The following ADAM23 variants were observed in gnomAD, a reference collection of about 807,000 sequenced individuals.
ADAM23 encodes disintegrin and metalloproteinase domain-containing protein 23.
In ADAM23, 33 loss-of-function variants were observed where a neutral mutation model predicts 120.1. The ratio of observed to expected loss-of-function variants is 0.27; its 90% CI spans 0.21 to 0.37. ADAM23 has a LOEUF of 0.37. Ranked by LOEUF, ADAM23 falls within the 10% of genes least tolerant of loss-of-function variation. The pLI, the probability that ADAM23 is intolerant of heterozygous loss-of-function variation, is 1.00. For missense variants in ADAM23, 862 were observed against 1,058.2 expected (o/e 0.81, Z 2.57); for synonymous variants, 367 against 375.2 (o/e 0.98, Z 0.25).
chr2:206,610,098 C>T, intron 25 of ADAM23, 98 bp downstream of exon 25: 1 of 1,108,232 alleles, frequency 9.0e-7, no homozygotes, highest in Admixed American at 3.9e-5. Flanking sequence ...AGCTTAGGTT[C>T]TGTCAGTCAA....
At chr2:206,477,096 C>T (rs1436541324) in intron 2 of ADAM23, among the ~76,000 whole-genome samples, 1 of 152,036 alleles carries the variant, frequency 6.6e-6, no homozygotes, top group East Asian at 1.9e-4. Flanking sequence ...ATCTATTGAG[C>T]CTATTTAATG....
rs201283303 is a variant in ADAM23 at position 206,579,313 on chromosome 2, C to T, written c.1737+6118C>T. On this transcript the variant is annotated intron_variant, in intron 18 of 25. Transcript: ENST00000264377. ...TGGTCATGAAATCTTTGCCTATAAG[C>T]CAATGTCTAGAAGGGTTTTTCAATG... Among the ~76,000 whole-genome samples, 25 of 152,192 alleles carry T rather than the reference C, an allele frequency of 1.6e-4. No homozygotes were observed. The East Asian group carries it at 4.6e-3, about 28-fold the overall frequency.
intron 18 of ADAM23, among the ~76,000 whole-genome samples, chr2:206,577,803 G>C (rs1339649573): frequency 6.6e-6 from 1 of 150,460 alleles, no homozygotes; most frequent in South Asian, 2.1e-4. Flanking sequence ...TGGTCAAATG[G>C]TATTTCTAGT....
intron 5 of ADAM23, among the ~76,000 whole-genome samples, chr2:206,543,022 A>T (rs1697323950): frequency 6.6e-6 from 1 of 152,198 alleles, no homozygotes. Flanking sequence ...TATAATTTGC[A>T]TGCATTTGAT....
At chr2:206,494,579 T>C (rs1696199687) in intron 3 of ADAM23, among the ~76,000 whole-genome samples, 1 of 152,118 alleles carries the variant, frequency 6.6e-6, no homozygotes, top group African/African-American at 2.4e-5. Flanking sequence ...TTCAGTACTT[T>C]TGGGTGTGGT....
At chr2:206,550,204 T>A in intron 9 of ADAM23, 44 bp downstream of exon 9, 1 of 1,185,596 alleles carries the variant, frequency 8.4e-7, no homozygotes, top group Non-Finnish European at 1.2e-6. Flanking sequence ...ATAGCTTACT[T>A]AAGAAAGAAT....
At chr2:206,609,221 C>T (rs1193531862) in intron 24 of ADAM23, among the ~76,000 whole-genome samples, 1 of 152,186 alleles carries the variant, frequency 6.6e-6, no homozygotes, top group African/African-American at 2.4e-5. Context: ...AACTTTAAAG[C>T]TATTCTCAGT....
intron 25 of ADAM23, among the ~76,000 whole-genome samples, chr2:206,616,828 T>C (rs527635544): frequency 6.6e-6 from 1 of 152,260 alleles, no homozygotes; most frequent in Admixed American, 6.5e-5. Context: ...ACTTTTACTG[T>C]TGCCTTGTAG....
chr2:206,514,256 A>T (rs1009616319), intron 3 of ADAM23, among the ~76,000 whole-genome samples: 1 of 152,234 alleles, frequency 6.6e-6, no homozygotes, highest in Non-Finnish European at 1.5e-5. Flanking sequence ...TCTGGAAAGG[A>T]TTAACCATTC....
At chr2:206,526,026 A>G (rs1696937435) in intron 3 of ADAM23, among the ~76,000 whole-genome samples, 1 of 152,178 alleles carries the variant, frequency 6.6e-6, no homozygotes, top group African/African-American at 2.4e-5. Flanking sequence ...TGGCTTCTCC[A>G]TATGGAACTT....
intron 3 of ADAM23, among the ~76,000 whole-genome samples, chr2:206,494,862 A>G (rs1395791888): frequency 6.6e-6 from 1 of 152,206 alleles, no homozygotes; most frequent in Non-Finnish European, 1.5e-5. Flanking sequence ...CACAAGCCTC[A>G]GTAACCAATG....
At position 206,484,084 on chromosome 2, in the gene ADAM23, G is replaced by A. The variant is rs186518108; in HGVS notation, c.509+2776G>A. Among the ~76,000 whole-genome samples, 77 of 152,290 alleles carry A rather than the reference G, an allele frequency of 5.1e-4. 2 individuals are homozygous for A. In the East Asian group the frequency reaches 7.7e-3, roughly 15 times the overall value. ...ATATCTATAGGGCAAGAGCTGGGTA[G>A]AGACTGAAGGGAATGAGATCAAAGC... is the stretch of plus-strand genomic sequence containing the variant. On this transcript the variant is annotated intron_variant, in intron 3 of 25. Transcript: ENST00000264377.
In ADAM23 at chr2:206,557,641, C is replaced by A. The variant is rs545938134; in HGVS notation, c.1005+143C>A. On this transcript the variant is annotated intron_variant, in intron 10 of 25. Transcript: ENST00000264377. ...CTGGCTAAGGAATTATAGGATGGTC[C>A]GCTTCACAGAGTAGTGCTCTGAGAG... The A allele has an allele frequency of 2.0e-5, 15 of 755,286 alleles. No homozygotes were observed. In the African/African-American group the frequency reaches 2.6e-4, roughly 13 times the overall value. 46.8% of individuals were successfully genotyped at this position (755,286 alleles called of 1,614,324 possible).
intron 9 of ADAM23, 101 bp from the exon 10 acceptor site, chr2:206,557,326 C>T (rs1697666049): frequency 2.1e-6 from 2 of 958,870 alleles, no homozygotes; most frequent in Admixed American, 3.7e-5. Context: ...ATTTTTAAAT[C>T]CATATTTCTA....
intron 23 of ADAM23, 145 bp from the exon 24 acceptor site, chr2:206,595,906 A>G: frequency 1.8e-6 from 1 of 563,564 alleles, no homozygotes; most frequent in Non-Finnish European, 3.1e-6. Context: ...CCTTGTGTCT[A>G]GTGATCAAGA....
At position 206,596,015 on chromosome 2, in the gene ADAM23, A is replaced by G. The variant is rs781579999; in HGVS notation, c.2248-36A>G. 6 of 1,503,782 alleles carry G rather than the reference A, an allele frequency of 4.0e-6. No homozygotes were observed. In the Admixed American group the frequency reaches 1.0e-4, roughly 26 times the overall value. The allele number at this position is 1,503,782 out of a possible 1,614,324, so 93.2% of individuals were successfully genotyped here. On this transcript the variant is annotated intron_variant, in intron 23 of 25. Coordinates refer to ENST00000264377, the MANE Select transcript of ADAM23 (RefSeq NM_003812.4). ...TTATCACTATTATTCTACAAAATAC[A>G]GTGAAAATGCCATATCTGTTCCTTT...
rs1049422117 is a variant in ADAM23 at position 206,515,795 on chromosome 2, C to T, written c.510-15090C>T. 8.6e-5 allele frequency among the ~76,000 whole-genome samples: 13 copies of T among 152,002 alleles called. No homozygotes were observed. The South Asian group carries it at 1.0e-3, about 12-fold the overall frequency. ...GAAGGAGAAAGTTGCCTTTTGTTCT[C>T]TCTGTGCTTTTCACCTCCCACATGT... is the stretch of plus-strand genomic sequence containing the variant. On this transcript the variant is annotated intron_variant, in intron 3 of 25. Transcript: ENST00000264377.
At chr2:206,572,814 A>G (rs1698031236) in intron 17 of ADAM23, among the ~76,000 whole-genome samples, 1 of 152,206 alleles carries the variant, frequency 6.6e-6, no homozygotes. Context: ...GTCTTAAGCC[A>G]AACCAGAATT....
At chr2:206,535,921 C>T (rs934051715) in intron 4 of ADAM23, among the ~76,000 whole-genome samples, 1 of 151,974 alleles carries the variant, frequency 6.6e-6, no homozygotes, top group Admixed American at 6.6e-5. Context: ...TGTGAATATG[C>T]GAAGAAAAAC....
Sources: gnomAD v4.1 joint callset for allele counts (sites outside exome capture counted in the v4.1 genomes callset) on GRCh38, gnomAD v4.1.1 for gene constraint, MANE v1.5 for transcripts, NCBI Gene and HGNC (gene_info 2026-07-23, HGNC 2026-07-21) for gene names.